Variants in ADPRS observed in about 807,000 individuals in gnomAD.
ADPRS encodes the protein ADP-ribosylhydrolase ARH3.
Under a neutral mutation model 32.1 loss-of-function variants are expected in ADPRS, and 25 were observed. The observed-to-expected ratio is 0.78, with a 90% confidence interval of 0.57 to 1.09. The LOEUF is 1.09. Among genes scored for constraint, ADPRS ranks in the 50% least tolerant of loss-of-function variants. The pLI, the probability that ADPRS is intolerant of heterozygous loss-of-function variation, is 0.00. For missense variants in ADPRS, 482 were observed against 480.6 expected (o/e 1.00, Z -0.03); for synonymous variants, 225 against 201.0 (o/e 1.12, Z -1.01).
Position 36,092,119 on chromosome 1 carries a change from G to T in ADPRS, c.701+25G>T, listed in dbSNP as rs751373162. 2.5e-6 allele frequency: 4 copies of T among 1,579,646 alleles called. No individual in the cohort carries two copies. The South Asian group carries it at 4.6e-5, about 18-fold the overall frequency. ...AGTGAGTATGGGGCTGGAGGTGTGT[G>T]GTGTGGGTATGTGGGTGATCCAGGG... On this transcript the variant is annotated intron_variant, in intron 4 of 5. Transcript: ENST00000373178.
intron 1 of ADPRS, 90 bp downstream of exon 1, chr1:36,089,205 G>T: frequency 7.5e-7 from 1 of 1,335,354 alleles, no homozygotes; most frequent in South Asian, 1.8e-5. Flanking sequence ...GGGGGTGCGC[G>T]GGGATGAGGC....
chr1:36,088,953 G>A lies in ADPRS; in HGVS notation c.49G>A (p.Ala17Thr). Residue 17 changes from alanine (A) to threonine (T), a missense_variant, in exon 1 of 6, where the codon GCC becomes ACC. Transcript: ENST00000373178. The part of the protein sequence containing the change: ...AAAAGGGAGA[A>T]RSLSRFRGCL... ...AGCGGCAGGTGGAGGGGCTGGCGCG[G>A]CCCGCTCCCTCTCGCGCTTCCGAGG... 6.6e-7 allele frequency: 1 copy of A among 1,512,106 alleles called. No homozygotes were observed. 93.7% of individuals were successfully genotyped at this position (1,512,106 alleles called of 1,614,324 possible).
chr1:36,091,137 C>G, intron 1 of ADPRS, 107 bp from the exon 2 acceptor site: 1 of 830,744 alleles, frequency 1.2e-6, no homozygotes, highest in South Asian at 1.5e-5. Flanking sequence ...CCAGTGCACT[C>G]CAGTCTGGGC....
chr1:36,093,073 C>A (rs1489644491), intron 5 of ADPRS, 24 bp from the exon 6 acceptor site: 4 of 1,603,812 alleles, frequency 2.5e-6, no homozygotes, highest in Non-Finnish European at 3.4e-6. Context: ...AGCATGCAGC[C>A]CCTCTAACCT....
chr1:36,092,411 CT>C lies in ADPRS; in HGVS notation c.702-10del. On this transcript the variant is annotated splice_polypyrimidine_tract_variant and intron_variant, in intron 4 of 5. Coordinates refer to ENST00000373178, the MANE Select transcript of ADPRS (RefSeq NM_017825.3). ...AGCTCTGACCTCCCTGAAATCTCCC[CT>C]AAACCACAGGTTGGGCATGGAGGAG... The C allele has an allele frequency of 1.9e-6, 3 of 1,613,900 alleles. No individual in the cohort carries two copies. The highest frequency in any genetic ancestry group is 2.5e-6 in the Non-Finnish European group (3 of 1,179,794).
rs1224200092 is a variant in ADPRS, at chr1:36,093,526, G to A, written c.*140G>A. The A allele has an allele frequency of 8.7e-7, 1 of 1,145,226 alleles. No homozygotes were observed. Among genetic ancestry groups the A allele is most frequent in the Non-Finnish European group, 1.2e-6 (1 of 823,824 alleles). 70.9% of individuals were successfully genotyped at this position (1,145,226 alleles called of 1,614,324 possible). A position where few individuals can be genotyped will look rare whatever the true frequency, so the allele number is the denominator to read the frequency against. On this transcript the variant is annotated 3_prime_UTR_variant, in exon 6 of 6. Coordinates refer to ENST00000373178, the MANE Select transcript of ADPRS (RefSeq NM_017825.3). ...GACTGAGTACACCGGTGAGGCTGGG[G>A]TCTCTGCAGGGGAGGTCACTGGAAC...
chr1:36,093,017 G>T, intron 5 of ADPRS, 80 bp from the exon 6 acceptor site: 1 of 1,473,836 alleles, frequency 6.8e-7, no homozygotes. Flanking sequence ...CAGCCTGCTT[G>T]AAGCCGAGAG....
rs1309697685 is a variant in ADPRS at position 36,093,666 on chromosome 1, G to T, written c.*280G>T. On this transcript the variant is annotated 3_prime_UTR_variant, in exon 6 of 6. Coordinates refer to ENST00000373178, the MANE Select transcript of ADPRS (RefSeq NM_017825.3). ...AGACGCAGGCGGGTTTATTTTGGAGGGGTACTTGTGGCATTTTCCTGTATT... is the reference window on the plus strand; with the variant it reads ...AGACGCAGGCGGGTTTATTTTGGAGTGGTACTTGTGGCATTTTCCTGTATT... 2.4e-6 allele frequency: 1 copy of T among 422,882 alleles called. No individual in the cohort carries two copies. The highest frequency in any genetic ancestry group is 4.3e-6 in the Non-Finnish European group (1 of 232,692). 26.2% of individuals were successfully genotyped at this position (422,882 alleles called of 1,614,324 possible).
intron 3 of ADPRS, 25 bp from the exon 4 acceptor site, chr1:36,091,871 CAGCAGGGCTTCTGT>C (rs1557733723): frequency 3.8e-6 from 6 of 1,587,312 alleles, no homozygotes; most frequent in Non-Finnish European, 5.2e-6. Flanking sequence ...TCCTCTTCTG[CAGCAGGGCTTCTGT>C]GACAGCAGGT....
Position 36,091,182 on chromosome 1 carries a change from AAAC to A in ADPRS, c.212-53_212-51del, listed in dbSNP as rs1299277063. Reference sequence around the variant, plus strand: ...AGACTCTGTCTCCAAAAAAAGCAAAAAACAACAACAAAAAAAACAAAGGTGAGC... The same window carrying A: ...AGACTCTGTCTCCAAAAAAAGCAAAAAACAACAAAAAAAACAAAGGTGAGC... On this transcript the variant is annotated intron_variant, in intron 1 of 5. Coordinates refer to ENST00000373178, the MANE Select transcript of ADPRS (RefSeq NM_017825.3). 18 of 1,493,182 alleles carry A rather than the reference AAAC, an allele frequency of 1.2e-5. 1 individual carries two copies. The highest frequency in any genetic ancestry group is 8.1e-5 in the South Asian group (7 of 86,602). The allele number at this position is 1,493,182 out of a possible 1,614,324, so 92.5% of individuals were successfully genotyped here. A position where few individuals can be genotyped will look rare whatever the true frequency, so the allele number is the denominator to read the frequency against.
At chr1:36,089,613 C>G (rs1401785039) in intron 1 of ADPRS, among the ~76,000 whole-genome samples, 1 of 152,184 alleles carries the variant, frequency 6.6e-6, no homozygotes, top group Non-Finnish European at 1.5e-5. Flanking sequence ...TTCTCCACCC[C>G]GCAAGGCGTG....
At chr1:36,092,275 C>T (rs1026393364) in intron 4 of ADPRS, 147 bp from the exon 5 acceptor site, 1 of 1,133,074 alleles carries the variant, frequency 8.8e-7, no homozygotes, top group South Asian at 1.6e-5. Flanking sequence ...GACCTGCTCA[C>T]CCCAGCCCTC....
In ADPRS at chr1:36,093,668, G is replaced by T; in HGVS notation, c.*282G>T. ...ACGCAGGCGGGTTTATTTTGGAGGG[G>T]TACTTGTGGCATTTTCCTGTATTGT... On this transcript the variant is annotated 3_prime_UTR_variant, in exon 6 of 6. Coordinates refer to ENST00000373178, the MANE Select transcript of ADPRS (RefSeq NM_017825.3). The T allele has an allele frequency of 9.5e-6, 4 of 421,674 alleles. No homozygotes were observed. The highest frequency in any genetic ancestry group is 1.7e-5 in the Non-Finnish European group (4 of 231,942). 26.1% of individuals were successfully genotyped at this position (421,674 alleles called of 1,614,324 possible).
intron 1 of ADPRS, among the ~76,000 whole-genome samples, chr1:36,089,341 C>T (rs1643446350): frequency 6.6e-6 from 1 of 152,250 alleles, no homozygotes; most frequent in African/African-American, 2.4e-5. Context: ...GTGGCAGCAC[C>T]GGGGCCTCAA....
chr1:36,091,416 T>A lies in ADPRS; in HGVS notation c.308+76T>A, dbSNP rs1643481860. On this transcript the variant is annotated intron_variant, in intron 2 of 5. Coordinates refer to ENST00000373178, the MANE Select transcript of ADPRS (RefSeq NM_017825.3). ...ACCCCTTGACCAGAGGAATGACATTTGTGCATGTCCACGCCCCCAACCCTC... is the reference window on the plus strand; with the variant it reads ...ACCCCTTGACCAGAGGAATGACATTAGTGCATGTCCACGCCCCCAACCCTC... 3 of 1,441,666 alleles carry A rather than the reference T, an allele frequency of 2.1e-6. No homozygotes were observed. The African/African-American group carries it at 4.2e-5, about 20-fold the overall frequency. The allele number at this position is 1,441,666 out of a possible 1,614,324, so 89.3% of individuals were successfully genotyped here.
intron 4 of ADPRS, 106 bp downstream of exon 4, chr1:36,092,200 G>A (rs1481610953): frequency 2.1e-6 from 3 of 1,431,530 alleles, no homozygotes; most frequent in African/African-American, 2.9e-5. Context: ...CCCTAGGGAG[G>A]CATGGGCAGA....
intron 4 of ADPRS, 41 bp from the exon 5 acceptor site, chr1:36,092,381 C>T (rs376099826): frequency 1.3e-6 from 2 of 1,597,118 alleles, no homozygotes; most frequent in Non-Finnish European, 8.6e-7. Flanking sequence ...CGCCACCACC[C>T]TGCTAGCTCT....
chr1:36,092,862 T>A (rs1314341194), intron 5 of ADPRS, among the ~76,000 whole-genome samples: 1 of 152,256 alleles, frequency 6.6e-6, no homozygotes, highest in Non-Finnish European at 1.5e-5. Context: ...TTGCTAACGT[T>A]ACTCCCTGTC....
At chr1:36,091,147 C>A in intron 1 of ADPRS, 97 bp from the exon 2 acceptor site, 4 of 933,282 alleles carry the variant, frequency 4.3e-6, no homozygotes, top group Admixed American at 2.1e-5. Context: ...CCAGTCTGGG[C>A]AACAGAGCGA....
Sources: gnomAD v4.1 joint callset for allele counts (sites outside exome capture counted in the v4.1 genomes callset) on GRCh38, gnomAD v4.1.1 for gene constraint, MANE v1.5 for transcripts, NCBI Gene and HGNC (gene_info 2026-07-23, HGNC 2026-07-21) for gene names.